ANK2: variants seen among roughly 807,000 people sequenced by gnomAD.
ANK2 encodes the protein ankyrin-2.
ANK2 carries 83 observed loss-of-function variants against 360.5 expected under a neutral mutation model. The observed-to-expected ratio is 0.23, with a 90% CI of 0.19 to 0.28. ANK2 has a LOEUF of 0.28. ANK2 is among the 10% of genes least tolerant of loss of function. ANK2 has a pLI of 1.00. For missense variants in ANK2, 4,201 were observed against 4,795.7 expected (o/e 0.88, Z 3.66); for synonymous variants, 1,740 against 1,759.5 (o/e 0.99, Z 0.28).
chr4:113,083,494 C>A (rs952002633), intron 1 of ANK2, among the ~76,000 whole-genome samples: 4 of 152,186 alleles, frequency 2.6e-5, no homozygotes, highest in African/African-American at 9.6e-5. Flanking sequence ...CTTAATTCCT[C>A]TTGAGTTAGA....
intron 2 of ANK2, among the ~76,000 whole-genome samples, chr4:112,940,024 TTTAAG>T (rs2094087589): frequency 6.6e-6 from 1 of 152,184 alleles, no homozygotes. Context: ...TTGTCAGTTG[TTTAAG>T]TTAGTTTTAT....
At chr4:113,021,956 G>A (rs748590810) in intron 2 of ANK2, among the ~76,000 whole-genome samples, 22 of 152,110 alleles carry the variant, frequency 1.4e-4, no homozygotes, top group East Asian at 3.9e-4. Flanking sequence ...TTTCTTCATC[G>A]TCCATTTCCC....
Position 112,918,577 on chromosome 4 carries a change from T to C in ANK2, c.21+14063T>C, listed in dbSNP as rs150946161. Reference sequence around the variant, plus strand: ...ATTTGTTGTCTGAGTGAATATTATTTTTCCTGTTTGAAGAATAGAGAGGGG... The same window carrying C: ...ATTTGTTGTCTGAGTGAATATTATTCTTCCTGTTTGAAGAATAGAGAGGGG... On this transcript the variant is annotated intron_variant, in intron 2 of 30. Transcript: ENST00000503271. 3.0e-3 allele frequency among the ~76,000 whole-genome samples: 464 copies of C among 152,274 alleles called. 9 individuals carry two copies. Among genetic ancestry groups the C allele is most frequent in the East Asian group, 5.8e-4 (3 of 5,186 alleles).
intron 2 of ANK2, among the ~76,000 whole-genome samples, chr4:112,988,951 G>T (rs2045843431): frequency 6.6e-6 from 1 of 152,164 alleles, no homozygotes. Flanking sequence ...GATTTTCGGG[G>T]TGTTTCAGGT....
intron 1 of ANK2, among the ~76,000 whole-genome samples, chr4:113,117,937 A>G (rs2094988924): frequency 6.6e-6 from 1 of 152,106 alleles, no homozygotes; most frequent in Non-Finnish European, 1.5e-5. Context: ...CTTCTTAGTG[A>G]AGCTGCACTA....
the ANK2 span, among the ~76,000 whole-genome samples, chr4:112,739,558 G>A: frequency 6.6e-6 from 1 of 152,188 alleles, no homozygotes; most frequent in Non-Finnish European, 1.5e-5. Context: ...AGGTTGCAGT[G>A]AGCTGAGATT....
Position 113,343,034 on chromosome 4 carries a change from C to T in ANK2, c.4140C>T (p.Pro1380=), listed in dbSNP as rs1320401561. ...SRDVEVLEGK[P]IYVDCFGNLV... ...TCACTCAGGTGTTAGAAGGAAAACC[C>T]ATCTACGTTGATTGTTTCGGCAACT... is the stretch of plus-strand genomic sequence containing the variant. Residue 1380 remains proline (P), a synonymous_variant, in exon 34 of 46, where the codon CCC becomes CCT. Coordinates refer to ENST00000357077, the MANE Select transcript of ANK2 (RefSeq NM_001148.6). 2.5e-6 allele frequency: 4 copies of T among 1,613,916 alleles called. No homozygotes were observed. The highest frequency in any genetic ancestry group is 2.5e-6 in the Non-Finnish European group (3 of 1,179,904).
In ANK2 at chr4:113,088,574, A is replaced by G. The variant is rs78675185; in HGVS notation, c.84+38762A>G. On this transcript the variant is annotated intron_variant, in intron 1 of 45. Coordinates refer to ENST00000357077, the MANE Select transcript of ANK2 (RefSeq NM_001148.6). ...TGTAACAAAGCTTGAAAACCTGAGA[A>G]TATTAATTTTTTTGTTTTTTTTTTC... Among the ~76,000 whole-genome samples, 1,209 of 152,184 alleles carry G rather than the reference A, an allele frequency of 7.9e-3. 38 individuals carry two copies. The East Asian group carries it at 0.1, about 13-fold the overall frequency.
intron 2 of ANK2, among the ~76,000 whole-genome samples, chr4:112,959,791 G>T (rs1032554357): frequency 6.6e-6 from 1 of 152,172 alleles, no homozygotes; most frequent in Non-Finnish European, 1.5e-5. Context: ...TAAGAAGATT[G>T]AGAGAATTGT....
At chr4:112,729,563 A>G in the ANK2 span, among the ~76,000 whole-genome samples, 1 of 151,948 alleles carries the variant, frequency 6.6e-6, no homozygotes, top group Non-Finnish European at 1.5e-5. Context: ...CGAGACCAAC[A>G]TGGCAAAACC....
chr4:112,930,636 C>A (rs999639943), intron 2 of ANK2, among the ~76,000 whole-genome samples: 2 of 151,872 alleles, frequency 1.3e-5, no homozygotes, highest in Non-Finnish European at 2.9e-5. Context: ...TGCCTGTAAT[C>A]CCAGGACTTT....
chr4:113,295,463 G>T (rs1296730383), intron 22 of ANK2, among the ~76,000 whole-genome samples: 1 of 152,088 alleles, frequency 6.6e-6, no homozygotes, highest in Non-Finnish European at 1.5e-5. Flanking sequence ...TCTAAATACT[G>T]TAATTGCTGT....
In ANK2 at chr4:112,884,990, TTCTC is replaced by T. The variant is rs1275497699; in HGVS notation, c.-39-19462_-39-19459del. Among the ~76,000 whole-genome samples, 4 of 152,350 alleles carry T rather than the reference TTCTC, an allele frequency of 2.6e-5. No homozygotes were observed. In the East Asian group the frequency reaches 7.7e-4, roughly 29 times the overall value. ...AGCCATGTATTATACTTCCTCTTAT[TTCTC>T]TCAGCATAGCGCTGGGCACATAGAA... On this transcript the variant is annotated intron_variant, in intron 1 of 30. Coordinates refer to the ANK2 transcript ENST00000503271.
chr4:113,068,898 C>T (rs905326325), intron 1 of ANK2, among the ~76,000 whole-genome samples: 1 of 151,842 alleles, frequency 6.6e-6, no homozygotes, highest in African/African-American at 2.4e-5. Flanking sequence ...CTCATCTGTA[C>T]AAAAAGTTTT....
chr4:113,263,187 GAA>G (rs762758720), intron 13 of ANK2, among the ~76,000 whole-genome samples: 1 of 63,624 alleles, frequency 1.6e-5, no homozygotes, highest in African/African-American at 5.8e-5. Context: ...GACTCTGTCT[GAA>G]AAAAAAAAAA....
intron 1 of ANK2, among the ~76,000 whole-genome samples, chr4:113,109,812 C>G (rs567327132): frequency 6.6e-6 from 1 of 152,094 alleles, no homozygotes; most frequent in South Asian, 2.1e-4. Context: ...TACCTGGCTC[C>G]TATTAGCTGG....
At chr4:113,337,038 T>C (rs1031665983) in intron 31 of ANK2, among the ~76,000 whole-genome samples, 1 of 152,202 alleles carries the variant, frequency 6.6e-6, no homozygotes, top group African/African-American at 2.4e-5. Flanking sequence ...GAGGAAACTT[T>C]AACCCCGTGT....
At chr4:113,090,416 G>C (rs185810415) in intron 1 of ANK2, among the ~76,000 whole-genome samples, 8 of 152,184 alleles carry the variant, frequency 5.3e-5, no homozygotes, top group Non-Finnish European at 1.2e-4. Flanking sequence ...TTTTTTAAGG[G>C]ATGAATAGGT....
At chr4:112,778,806 A>G in the ANK2 span, among the ~76,000 whole-genome samples, 1 of 152,322 alleles carries the variant, frequency 6.6e-6, no homozygotes, top group African/African-American at 2.4e-5. Context: ...ATTGGCTGCA[A>G]CTACTTTGTT....
Sources: allele counts gnomAD v4.1 joint callset (sites outside exome capture counted in the v4.1 genomes callset), GRCh38; gene constraint gnomAD v4.1.1; transcripts MANE v1.5; gene names NCBI Gene and HGNC (gene_info 2026-07-23, HGNC 2026-07-21).